RBFOX1: variants seen among roughly 807,000 people sequenced by gnomAD.
The protein encoded by RBFOX1 is RNA binding fox-1 homolog 1.
In RBFOX1, 8 loss-of-function variants were observed where a neutral mutation model predicts 57.7. The observed-to-expected ratio is 0.14, with a 90% CI of 0.08 to 0.25. The LOEUF (loss-of-function observed/expected upper bound fraction) is 0.25, where lower values mean the gene tolerates loss of function less well. Among genes scored for constraint, RBFOX1 ranks in the 10% least tolerant of loss-of-function variants. RBFOX1 has a pLI of 1.00. For synonymous variants in RBFOX1, 326 were observed against 222.4 expected (o/e 1.47, Z -4.15); for missense variants, 611 against 548.5 (o/e 1.11, Z -1.14).
At chr16:7,301,901 T>C (rs548138618) in intron 4 of RBFOX1, among the ~76,000 whole-genome samples, 2 of 152,264 alleles carry the variant, frequency 1.3e-5, no homozygotes, top group African/African-American at 4.8e-5. Context: ...TCTTTAGTTT[T>C]GTGAATGCAA....
chr16:5,401,278 C>A (rs1405088771), intron 1 of RBFOX1, among the ~76,000 whole-genome samples: 2 of 152,102 alleles, frequency 1.3e-5, no homozygotes, highest in Non-Finnish European at 2.9e-5. Context: ...TGATTTTATT[C>A]CCATAAATAT....
intron 1 of RBFOX1, among the ~76,000 whole-genome samples, chr16:5,293,930 G>C (rs758007892): frequency 6.6e-6 from 1 of 152,124 alleles, no homozygotes; most frequent in African/African-American, 2.4e-5. Flanking sequence ...TGTGAATTTT[G>C]CCTCAGTAAA....
intron 2 of RBFOX1, among the ~76,000 whole-genome samples, chr16:6,382,405 A>G (rs1297418112): frequency 3.9e-5 from 6 of 152,176 alleles, no homozygotes; most frequent in Admixed American, 6.5e-5. Context: ...TGGGTAAAGG[A>G]ATGGTACTGA....
intron 3 of RBFOX1, among the ~76,000 whole-genome samples, chr16:6,670,697 A>G (rs769708150): frequency 5.3e-5 from 8 of 152,130 alleles, no homozygotes; most frequent in South Asian, 4.2e-4. Context: ...TGATGTTGCT[A>G]TAAAACTGGT....
chr16:5,917,058 C>T (rs113355741), intron 4 of RBFOX1, among the ~76,000 whole-genome samples: 8,803 of 152,050 alleles, frequency 0.058, 315 homozygotes, highest in Middle Eastern at 0.085. Flanking sequence ...CTCCCTTCAC[C>T]GCACCCTGCA....
At chr16:7,079,553 G>A (rs77293839) in intron 4 of RBFOX1, among the ~76,000 whole-genome samples, 1,526 of 152,236 alleles carry the variant, frequency 0.01, 30 homozygotes, top group African/African-American at 0.035. Flanking sequence ...TTTAGAGGTG[G>A]TGTCACATCT....
At chr16:7,403,519 A>G (rs77204053) in intron 4 of RBFOX1, among the ~76,000 whole-genome samples, 1 of 150,702 alleles carries the variant, frequency 6.6e-6, no homozygotes, top group Non-Finnish European at 1.5e-5. Flanking sequence ...TTTCTCTAGC[A>G]TAATGTCCTC....
intron 4 of RBFOX1, among the ~76,000 whole-genome samples, chr16:7,233,538 G>T (rs760196339): frequency 2.6e-5 from 4 of 152,118 alleles, no homozygotes; most frequent in African/African-American, 4.8e-5. Context: ...TATTATTAAA[G>T]TCCTGAAAAT....
rs369300918 is a variant in RBFOX1, at chr16:6,701,075, C to G, written c.-16+46425C>G. Among the ~76,000 whole-genome samples, 17 of 152,108 alleles carry G rather than the reference C, an allele frequency of 1.1e-4. 1 individual carries two copies. The East Asian group carries it at 2.9e-3, about 26-fold the overall frequency. On this transcript the variant is annotated intron_variant, in intron 3 of 15. Coordinates refer to ENST00000550418, the MANE Select transcript of RBFOX1 (RefSeq NM_018723.4). The stretch of plus-strand genomic sequence containing the variant: ...AGACTATGATGTGAGCCTGGAAAGC[C>G]TCAGCTGACCCATTGGGGAGCTCCA...
At chr16:7,528,358 A>C (rs1222183056) in intron 5 of RBFOX1, among the ~76,000 whole-genome samples, 1 of 152,338 alleles carries the variant, frequency 6.6e-6, no homozygotes, top group Admixed American at 6.5e-5. Context: ...TAGGTCCTTC[A>C]AACACCCAAA....
intron 4 of RBFOX1, among the ~76,000 whole-genome samples, chr16:7,231,734 C>T (rs191568758): frequency 2.0e-5 from 3 of 152,234 alleles, no homozygotes; most frequent in African/African-American, 4.8e-5. Flanking sequence ...AAGGAAGGAG[C>T]TACTGTTACA....
chr16:5,527,854 G>T (rs1405892250), intron 2 of RBFOX1, among the ~76,000 whole-genome samples: 1 of 152,096 alleles, frequency 6.6e-6, no homozygotes, highest in Non-Finnish European at 1.5e-5. Flanking sequence ...TAACAAAGTG[G>T]GCCACTCTAA....
intron 1 of RBFOX1, among the ~76,000 whole-genome samples, chr16:6,052,491 T>A (rs551247772): frequency 6.6e-6 from 1 of 152,164 alleles, no homozygotes; most frequent in South Asian, 2.1e-4. Flanking sequence ...AACATAATTA[T>A]AATAATGCCT....
chr16:7,338,272 C>G (rs917880610), intron 4 of RBFOX1, among the ~76,000 whole-genome samples: 2 of 150,620 alleles, frequency 1.3e-5, no homozygotes, highest in Non-Finnish European at 2.9e-5. Context: ...AGATGGTAAG[C>G]TCTCAGAGGG....
chr16:6,454,826 T>C (rs1238118546), intron 2 of RBFOX1, among the ~76,000 whole-genome samples: 1 of 149,800 alleles, frequency 6.7e-6, no homozygotes. Context: ...CGTCCCCTAT[T>C]ATTCTCTCAT....
intron 2 of RBFOX1, among the ~76,000 whole-genome samples, chr16:6,484,545 C>A (rs1345377888): frequency 6.6e-6 from 1 of 152,114 alleles, no homozygotes; most frequent in African/African-American, 2.4e-5. Context: ...AACTGTTATG[C>A]ATTTATAGAA....
intron 4 of RBFOX1, among the ~76,000 whole-genome samples, chr16:7,139,092 C>T (rs1265954923): frequency 6.6e-6 from 1 of 152,046 alleles, no homozygotes; most frequent in Non-Finnish European, 1.5e-5. Flanking sequence ...GCATGAGCCA[C>T]CATGCATGGT....
At chr16:7,419,861 A>C (rs1222944157) in intron 4 of RBFOX1, among the ~76,000 whole-genome samples, 1 of 149,990 alleles carries the variant, frequency 6.7e-6, no homozygotes, top group Non-Finnish European at 1.5e-5. Flanking sequence ...TTTCTCCACT[A>C]ATTATACCAC....
intron 4 of RBFOX1, among the ~76,000 whole-genome samples, chr16:7,166,886 G>C (rs1465277966): frequency 6.7e-6 from 1 of 148,764 alleles, no homozygotes; most frequent in Non-Finnish European, 1.5e-5. Context: ...CACAGACACA[G>C]CCACCAGTAG....
Sources: allele counts gnomAD v4.1 joint callset (sites outside exome capture counted in the v4.1 genomes callset), GRCh38; gene constraint gnomAD v4.1.1; transcripts MANE v1.5; gene names NCBI Gene and HGNC (gene_info 2026-07-23, HGNC 2026-07-21).